STIM1: variants seen among roughly 807,000 people sequenced by gnomAD.
The protein encoded by STIM1 is stromal interaction molecule 1.
In STIM1, 25 loss-of-function variants were observed where a neutral mutation model predicts 74.7. The observed-to-expected ratio is 0.33, with a 90% confidence interval of 0.24 to 0.47. The LOEUF (loss-of-function observed/expected upper bound fraction) is 0.47. Among genes scored for constraint, STIM1 ranks in the 20% least tolerant of loss-of-function variants. The probability of loss-of-function intolerance (pLI) is 1.00; values close to 1 mark genes in which losing one functional copy is unlikely to be tolerated. For synonymous variants in STIM1, 328 were observed against 348.8 expected (o/e 0.94, Z 0.66); for missense variants, 728 against 920.8 (o/e 0.79, Z 2.71).
rs1214690521 is a variant in STIM1, at chr11:3,941,696, A to AGAGAGAGT, written c.140-25855_140-25854insAGAGAGTG. Among the ~76,000 whole-genome samples, 646 of 141,744 alleles carry AGAGAGAGT rather than the reference A, an allele frequency of 4.6e-3. 4 individuals carry two copies. The highest frequency in any genetic ancestry group is 0.016 in the African/African-American group (613 of 37,308). The allele number at this position is 141,744 out of a possible 152,430, so 93.0% of individuals were successfully genotyped here. On this transcript the variant is annotated intron_variant, in intron 1 of 12. Transcript: ENST00000526596. ...TATAGAGAGAGAGAGAGAGAGAGAG[A>AGAGAGAGT]GTGTGTGTGTGTCTCAGTGTCACTG...
intron 11 of STIM1, among the ~76,000 whole-genome samples, chr11:4,085,386 T>C (rs186030532): frequency 2.6e-5 from 4 of 152,210 alleles, no homozygotes; most frequent in Non-Finnish European, 5.9e-5. Context: ...CTCTTTTAGC[T>C]GGGAGTGAGC....
At chr11:4,088,474 G>T in intron 12 of STIM1, 1 of 503,730 alleles carries the variant, frequency 2.0e-6, no homozygotes, top group East Asian at 3.7e-5. Context: ...TTACTCAGCA[G>T]AGCCACTCAT....
chr11:3,900,576 G>T (rs939054388), intron 1 of STIM1, among the ~76,000 whole-genome samples: 3 of 152,130 alleles, frequency 2.0e-5, no homozygotes, highest in Admixed American at 2.0e-4. Context: ...GGCCATCTTG[G>T]CTCCCGACCT....
At chr11:3,859,102 C>T (rs1396082861) in intron 1 of STIM1, among the ~76,000 whole-genome samples, 1 of 152,158 alleles carries the variant, frequency 6.6e-6, no homozygotes, top group African/African-American at 2.4e-5. Flanking sequence ...TGCAGGGGCC[C>T]AGAGAATTTG....
chr11:3,944,351 C>G (rs913955438), intron 1 of STIM1, among the ~76,000 whole-genome samples: 1 of 152,104 alleles, frequency 6.6e-6, no homozygotes, highest in African/African-American at 2.4e-5. Flanking sequence ...CTCATGGCAG[C>G]CAAGGTTTTG....
chr11:3,953,033 G>A (rs1391644469), intron 1 of STIM1, among the ~76,000 whole-genome samples: 4 of 152,172 alleles, frequency 2.6e-5, no homozygotes, highest in Non-Finnish European at 1.5e-5. Context: ...AAAATTTGAA[G>A]AAAAGAATGC....
intron 3 of STIM1, among the ~76,000 whole-genome samples, chr11:4,024,449 A>G (rs535917298): frequency 5.3e-5 from 8 of 152,132 alleles, no homozygotes; most frequent in Non-Finnish European, 8.8e-5. Context: ...GCTTTTCTAT[A>G]CCATTTTGGT....
chr11:4,004,043 T>C (rs554646967), intron 2 of STIM1, among the ~76,000 whole-genome samples: 2 of 152,100 alleles, frequency 1.3e-5, no homozygotes, highest in Admixed American at 6.6e-5. Context: ...GGGACGTGAA[T>C]GACCTCTTCA....
At chr11:4,018,648 A>T (rs74441630) in intron 2 of STIM1, among the ~76,000 whole-genome samples, 1 of 149,048 alleles carries the variant, frequency 6.7e-6, no homozygotes, top group Admixed American at 6.7e-5. Context: ...TCTGTCTCAA[A>T]AAAAAAAAAA....
chr11:4,041,568 C>A (rs1443214533), intron 3 of STIM1, among the ~76,000 whole-genome samples: 3 of 151,654 alleles, frequency 2.0e-5, no homozygotes, highest in East Asian at 3.9e-4. Context: ...TGGCAGATTG[C>A]AAATTCAAAT....
intron 2 of STIM1, chr11:3,989,022 G>A: frequency 3.4e-6 from 3 of 887,252 alleles, no homozygotes; most frequent in Non-Finnish European, 5.1e-6. Flanking sequence ...ATGGGATGAG[G>A]TGGGATTCCC....
intron 11 of STIM1, 158 bp from the exon 12 acceptor site, chr11:4,086,318 AC>A: frequency 1.3e-6 from 1 of 746,216 alleles, no homozygotes; most frequent in East Asian, 2.7e-5. Context: ...TCCTTTTAGG[AC>A]CCCTGGTGGG....
At chr11:3,941,696 A>AGAGAGAGAGAGTGTGT (rs1214690521) in intron 1 of STIM1, among the ~76,000 whole-genome samples, 2 of 141,888 alleles carry the variant, frequency 1.4e-5, no homozygotes, top group East Asian at 2.2e-4. Flanking sequence ...AGAGAGAGAG[A>AGAGAGAGAGAGTGTGT]GTGTGTGTGT....
chr11:3,906,976 T>TACTTAACACC (rs2092475417), intron 1 of STIM1, among the ~76,000 whole-genome samples: 1 of 152,216 alleles, frequency 6.6e-6, no homozygotes, highest in Non-Finnish European at 1.5e-5. Context: ...GTACCTTTAC[T>TACTTAACACC]ACTTAACACC....
chr11:3,956,532 C>T (rs2076767563), intron 1 of STIM1, among the ~76,000 whole-genome samples: 1 of 147,706 alleles, frequency 6.8e-6, no homozygotes, highest in Admixed American at 7.0e-5. Flanking sequence ...GAACCAGAAA[C>T]ATAATTTTAG....
intron 3 of STIM1, among the ~76,000 whole-genome samples, chr11:4,052,740 A>G (rs561628673): frequency 1.2e-3 from 179 of 152,338 alleles, no homozygotes; most frequent in Non-Finnish European, 2.1e-3. Context: ...GGACAAATGG[A>G]GTCTAATTAA....
At chr11:3,996,225 A>G (rs2093662120) in intron 2 of STIM1, among the ~76,000 whole-genome samples, 4 of 152,134 alleles carry the variant, frequency 2.6e-5, no homozygotes, top group South Asian at 2.1e-4. Context: ...GGACAATGAC[A>G]TGCTTCTGAG....
At position 4,076,687 on chromosome 11, in the gene STIM1, T is replaced by C. The variant is rs545320828; in HGVS notation, c.969+2008T>C. The stretch of plus-strand genomic sequence containing the variant: ...GGTAGGCTGTCAAGGATCTTTGTTT[T>C]TTTTCCCCCAAGTAAGGTGATCATT... On this transcript the variant is annotated intron_variant, in intron 7 of 12. Coordinates refer to ENST00000526596, the MANE Select transcript of STIM1 (RefSeq NM_001382567.1). Among the ~76,000 whole-genome samples, 49 of 151,732 alleles carry C rather than the reference T, an allele frequency of 3.2e-4. No homozygotes were observed. In the East Asian group the frequency reaches 8.9e-3, roughly 27 times the overall value.
chr11:4,059,701 A>G (rs966809774), intron 5 of STIM1, among the ~76,000 whole-genome samples: 2 of 152,188 alleles, frequency 1.3e-5, no homozygotes, highest in African/African-American at 4.8e-5. Flanking sequence ...GTAGAGGTAC[A>G]CAGTACTTCT....
Sources: gnomAD v4.1 joint callset for allele counts (sites outside exome capture counted in the v4.1 genomes callset) on GRCh38, gnomAD v4.1.1 for gene constraint, MANE v1.5 for transcripts, NCBI Gene and HGNC (gene_info 2026-07-23, HGNC 2026-07-21) for gene names.